Variants in ATP10B observed in about 807,000 individuals in gnomAD.
ATP10B encodes ATPase phospholipid transporting 10B (putative).
Under a neutral mutation model 141.2 loss-of-function variants are expected in ATP10B, and 122 were observed. That is an observed-to-expected ratio of 0.86 (90% confidence interval 0.75 to 1.00). The LOEUF (loss-of-function observed/expected upper bound fraction) is 1.00, where lower values mean the gene tolerates loss of function less well. Ranked by LOEUF, ATP10B falls within the 50% of genes least tolerant of loss-of-function variation. The pLI, the probability that ATP10B is intolerant of heterozygous loss-of-function variation, is 0.00. For synonymous variants in ATP10B, 685 were observed against 692.0 expected (o/e 0.99, Z 0.16); for missense variants, 1,876 against 1,825.3 (o/e 1.03, Z -0.51).
At chr5:160,903,546 C>T in the ATP10B span, among the ~76,000 whole-genome samples, 1 of 152,154 alleles carries the variant, frequency 6.6e-6, no homozygotes, top group African/African-American at 2.4e-5. Flanking sequence ...TATCCTGTTG[C>T]ACAAAATGCC....
chr5:160,626,390 G>A (rs569308934), intron 13 of ATP10B, among the ~76,000 whole-genome samples: 1 of 152,258 alleles, frequency 6.6e-6, no homozygotes, highest in African/African-American at 2.4e-5. Context: ...ACAAAGTCAG[G>A]CACTGGGCTA....
chr5:160,822,454 G>C (rs1774183042), intron 1 of ATP10B, among the ~76,000 whole-genome samples: 1 of 152,016 alleles, frequency 6.6e-6, no homozygotes, highest in Non-Finnish European at 1.5e-5. Context: ...ACAGTTGGAG[G>C]TTTCTCAAAA....
At chr5:160,805,117 G>T (rs1387884082) in intron 1 of ATP10B, among the ~76,000 whole-genome samples, 9 of 152,226 alleles carry the variant, frequency 5.9e-5, no homozygotes, top group Admixed American at 6.5e-5. Context: ...TTGGCACATT[G>T]TATGTGTCTA....
At chr5:160,570,990 C>T (rs1754840330) in intron 24 of ATP10B, among the ~76,000 whole-genome samples, 1 of 152,146 alleles carries the variant, frequency 6.6e-6, no homozygotes, top group Admixed American at 6.5e-5. Flanking sequence ...TCTCTTAAAG[C>T]CTGCTTGCTT....
chr5:160,690,915 A>G (rs1456904892), intron 3 of ATP10B, among the ~76,000 whole-genome samples: 5 of 152,220 alleles, frequency 3.3e-5, no homozygotes, highest in African/African-American at 1.2e-4. Context: ...ACGTATCTTT[A>G]TTGCAGCACT....
chr5:160,843,441 T>TG (rs1447012695), intron 1 of ATP10B, among the ~76,000 whole-genome samples: 11 of 152,046 alleles, frequency 7.2e-5, no homozygotes, highest in Non-Finnish European at 1.6e-4. Flanking sequence ...CCTGCCTCGT[T>TG]GATTTAGATG....
chr5:160,700,751 G>T (rs1764621122), intron 3 of ATP10B, among the ~76,000 whole-genome samples: 1 of 152,020 alleles, frequency 6.6e-6, no homozygotes, highest in Admixed American at 6.6e-5. Context: ...CAAACTTCTA[G>T]TCCCAAAGTA....
At chr5:160,853,899 T>C (rs1010759037), upstream of ATP10B, among the ~76,000 whole-genome samples, 2 of 152,210 alleles carry the variant, frequency 1.3e-5, no homozygotes. Flanking sequence ...GTTTTACTTA[T>C]AGTTCCTATT....
intron 14 of ATP10B, among the ~76,000 whole-genome samples, chr5:160,621,398 G>A (rs1004758120): frequency 6.6e-6 from 1 of 152,166 alleles, no homozygotes; most frequent in Admixed American, 6.5e-5. Flanking sequence ...GACTCCAGAG[G>A]CTGGGCTCTT....
rs575371183 is a variant in ATP10B at position 160,639,779 on chromosome 5, C to G, written c.1000+682G>C. Among the ~76,000 whole-genome samples the G allele has an allele frequency of 6.6e-5, 10 of 152,270 alleles. No individual in the cohort carries two copies. In the South Asian group the frequency reaches 1.9e-3, roughly 28 times the overall value. On this transcript the variant is annotated intron_variant, in intron 10 of 25. Coordinates refer to ENST00000327245, the MANE Select transcript of ATP10B (RefSeq NM_025153.3). ...TCAAGTGCATTATATTTACAGTGCA[C>G]TTTATTTCTATTATTACATTGTAAT...
intron 2 of ATP10B, among the ~76,000 whole-genome samples, chr5:160,765,713 G>A (rs1769354177): frequency 6.6e-6 from 1 of 151,910 alleles, no homozygotes; most frequent in Admixed American, 6.6e-5. Context: ...ATAAATAGAT[G>A]GAACTTAAAC....
At position 160,634,552 on chromosome 5, in the gene ATP10B, C is replaced by G. The variant is rs1307967621; in HGVS notation, c.1183G>C (p.Val395Leu). ...TCAAGGTCATTGCTCAAGAAGAACA[C>G]TTGCCCGAGCTTCACCAGCTCAATG... ...VSIELVKLGQ[V>L]FFLSNDLDLY... Residue 395 changes from valine to leucine, a missense_variant, in exon 12 of 26, where the codon GTG becomes CTG. By Grantham distance (32) the Val-to-Leu change is conservative. Transcript: ENST00000327245. 3 of 1,614,102 alleles carry G rather than the reference C, an allele frequency of 1.9e-6. No homozygotes were observed. The highest frequency in any genetic ancestry group is 1.1e-5 in the South Asian group (1 of 91,056).
In ATP10B at chr5:160,686,171, C is replaced by A. The variant is rs765777557; in HGVS notation, c.378G>T (p.Leu126=). The change falls in exon 6 of 26, where the codon CTG becomes CTT. Residue 126 remains leucine, a synonymous_variant. Transcript: ENST00000327245. ...EITMLPLAIV[L]FVIMIKDGME... is the part of the protein sequence containing the mutation. ...TGCCATCCTTGATCATGATGACGAACAGGACAATGGCCAATGGTAACATGG... is the reference window on the plus strand; with the variant it reads ...TGCCATCCTTGATCATGATGACGAAAAGGACAATGGCCAATGGTAACATGG... The A allele has an allele frequency of 6.8e-6, 11 of 1,613,294 alleles. No homozygotes were observed. Among genetic ancestry groups the A allele is most frequent in the Non-Finnish European group, 8.5e-6 (10 of 1,179,448 alleles).
At chr5:160,625,522 T>C (rs1234686223) in intron 13 of ATP10B, among the ~76,000 whole-genome samples, 3 of 152,178 alleles carry the variant, frequency 2.0e-5, no homozygotes, top group African/African-American at 7.2e-5. Flanking sequence ...AATCCCCTAT[T>C]TTCCTGATGC....
intron 1 of ATP10B, among the ~76,000 whole-genome samples, chr5:160,824,090 C>T (rs573813969): frequency 1.1e-4 from 16 of 152,024 alleles, no homozygotes; most frequent in African/African-American, 2.9e-4. Flanking sequence ...GACGTGATCT[C>T]GGCTTACTGC....
At chr5:160,752,290 G>C (rs1045343424) in intron 2 of ATP10B, among the ~76,000 whole-genome samples, 1 of 151,270 alleles carries the variant, frequency 6.6e-6, no homozygotes, top group African/African-American at 2.4e-5. Context: ...TATGAGGTGA[G>C]CATAGTGGAT....
upstream of ATP10B, among the ~76,000 whole-genome samples, chr5:160,853,222 C>A (rs1753893228): frequency 6.6e-6 from 1 of 152,200 alleles, no homozygotes; most frequent in African/African-American, 2.4e-5. Flanking sequence ...GTTGGCATTT[C>A]AAAATTCTCC....
chr5:160,912,463 G>C, the ATP10B span, among the ~76,000 whole-genome samples: 1 of 150,154 alleles, frequency 6.7e-6, no homozygotes, highest in Non-Finnish European at 1.5e-5. Flanking sequence ...GCAGGGCATG[G>C]TGGTGCACAC....
intron 2 of ATP10B, among the ~76,000 whole-genome samples, chr5:160,774,845 T>C (rs1307298215): frequency 6.6e-6 from 1 of 152,206 alleles, no homozygotes; most frequent in Non-Finnish European, 1.5e-5. Flanking sequence ...TTTTCTGCCT[T>C]GTTTTTACTC....
Sources: allele counts gnomAD v4.1 joint callset (sites outside exome capture counted in the v4.1 genomes callset), GRCh38; gene constraint gnomAD v4.1.1; transcripts MANE v1.5; gene names NCBI Gene and HGNC (gene_info 2026-07-23, HGNC 2026-07-21).